ACVR1: variants seen among roughly 807,000 people sequenced by gnomAD.
ACVR1 encodes activin receptor type-1.
In ACVR1, 38 loss-of-function variants were observed where a neutral mutation model predicts 57.1. The ratio of observed to expected loss-of-function variants is 0.67; its 90% CI spans 0.51 to 0.87. The LOEUF is 0.87. Ranked by LOEUF, ACVR1 falls within the 40% of genes least tolerant of loss-of-function variation. ACVR1 has a pLI of 0.00. For synonymous variants in ACVR1, 212 were observed against 228.1 expected (o/e 0.93, Z 0.63); for missense variants, 463 against 638.2 (o/e 0.73, Z 2.96).
At chr2:157,782,965 A>G (rs193023406) in intron 3 of ACVR1, among the ~76,000 whole-genome samples, 1 of 152,270 alleles carries the variant, frequency 6.6e-6, no homozygotes, top group East Asian at 1.9e-4. Flanking sequence ...ATAAAAATAA[A>G]GTAGGAGAGA....
intron 1 of ACVR1, among the ~76,000 whole-genome samples, chr2:157,849,582 G>A (rs757100533): frequency 1.3e-5 from 2 of 152,154 alleles, no homozygotes; most frequent in African/African-American, 2.4e-5. Flanking sequence ...ATCACGCATC[G>A]AAACTGTCAA....
chr2:157,860,340 A>G (rs1463979878), intron 1 of ACVR1, among the ~76,000 whole-genome samples: 2 of 152,212 alleles, frequency 1.3e-5, no homozygotes, highest in African/African-American at 4.8e-5. Context: ...TACTCAGGTA[A>G]GGCAAAGTGT....
chr2:157,818,816 C>T (rs1012246568), intron 1 of ACVR1, among the ~76,000 whole-genome samples: 3 of 152,056 alleles, frequency 2.0e-5, no homozygotes, highest in African/African-American at 7.2e-5. Flanking sequence ...CGGTGGCTCA[C>T]GCCTGTAATC....
intron 8 of ACVR1, among the ~76,000 whole-genome samples, chr2:157,765,658 A>G (rs1393011357): frequency 1.3e-5 from 2 of 152,236 alleles, no homozygotes; most frequent in South Asian, 2.1e-4. Context: ...TTTGTCTGCA[A>G]TTTACTTTCA....
chr2:157,783,121 G>A (rs1411817022), intron 3 of ACVR1, among the ~76,000 whole-genome samples: 2 of 152,212 alleles, frequency 1.3e-5, no homozygotes, highest in Non-Finnish European at 2.9e-5. Context: ...TAAACGGACA[G>A]TCCAGGGAAC....
intron 1 of ACVR1, among the ~76,000 whole-genome samples, chr2:157,834,061 A>G (rs1162473274): frequency 6.6e-6 from 1 of 152,224 alleles, no homozygotes; most frequent in Non-Finnish European, 1.5e-5. Context: ...TACAAAGGGC[A>G]GGTCACATAC....
chr2:157,813,122 A>AAC (rs1206038571), intron 2 of ACVR1, among the ~76,000 whole-genome samples: 1 of 152,006 alleles, frequency 6.6e-6, no homozygotes. Flanking sequence ...TTAAAACACA[A>AAC]ACACACACAC....
intron 1 of ACVR1, among the ~76,000 whole-genome samples, chr2:157,866,342 CA>C (rs1238604321): frequency 6.6e-6 from 1 of 151,704 alleles, no homozygotes; most frequent in African/African-American, 2.4e-5. Context: ...TTTTAGGGAT[CA>C]AAAGGGAACC....
chr2:157,781,399 T>C (rs1168012631), intron 3 of ACVR1, among the ~76,000 whole-genome samples: 3 of 152,224 alleles, frequency 2.0e-5, no homozygotes, highest in Non-Finnish European at 4.4e-5. Flanking sequence ...GTACAATCTA[T>C]AATTACAATC....
rs1277715491 is a variant in ACVR1, at chr2:157,778,295, T to C, written c.379A>G (p.Ile127Val). 6.2e-7 allele frequency: 1 copy of C among 1,613,994 alleles called. No individual in the cohort carries two copies. The highest frequency in any genetic ancestry group is 1.7e-5 in the Admixed American group (1 of 60,018). Residue 127 changes from isoleucine (I) to valine (V), a missense_variant, in exon 5 of 11, where the codon ATT (isoleucine) becomes GTT (valine). Ile to Val is a conservative substitution (Grantham distance 29). Around this residue, in one of 3 missense-constraint regions of ACVR1, gnomAD observed 203 missense variants for 235.5 expected, o/e 0.86. Coordinates refer to ENST00000434821, the MANE Select transcript of ACVR1 (RefSeq NM_001111067.4). Reference protein sequence around the residue: ...TQNFHLEVGLIILSVVFAVCL... With the variant: ...TQNFHLEVGLVILSVVFAVCL... ...ACTGCGAACACTACAGAGAGAATAA[T>C]GAGGCCAACCTCCAAGTGGAAATTC...
intron 1 of ACVR1, among the ~76,000 whole-genome samples, chr2:157,822,669 A>G (rs1382995854): frequency 6.6e-6 from 1 of 152,252 alleles, no homozygotes; most frequent in Non-Finnish European, 1.5e-5. Context: ...TTATGCCAGT[A>G]GCGGGCAAAA....
At chr2:157,809,677 T>C (rs188551738) in intron 2 of ACVR1, among the ~76,000 whole-genome samples, 6 of 152,168 alleles carry the variant, frequency 3.9e-5, no homozygotes, top group Non-Finnish European at 8.8e-5. Flanking sequence ...ATGCACTCTA[T>C]GAAGTAGGGA....
intron 1 of ACVR1, among the ~76,000 whole-genome samples, chr2:157,867,365 G>A (rs767464144): frequency 6.6e-5 from 10 of 152,150 alleles, no homozygotes; most frequent in Admixed American, 2.0e-4. Flanking sequence ...ATGTGCCAAG[G>A]CCTCAAACTC....
chr2:157,782,502 A>G (rs1335803694), intron 3 of ACVR1, among the ~76,000 whole-genome samples: 1 of 152,238 alleles, frequency 6.6e-6, no homozygotes, highest in Non-Finnish European at 1.5e-5. Context: ...TTCCAGCACC[A>G]ATCTATTTCT....
At chr2:157,846,373 C>T (rs893413662) in intron 1 of ACVR1, among the ~76,000 whole-genome samples, 1 of 152,162 alleles carries the variant, frequency 6.6e-6, no homozygotes, top group African/African-American at 2.4e-5. Context: ...TTAATGTTTT[C>T]CCTTCTGAAA....
At chr2:157,824,917 C>T (rs747672956) in intron 1 of ACVR1, among the ~76,000 whole-genome samples, 1 of 152,140 alleles carries the variant, frequency 6.6e-6, no homozygotes, top group Non-Finnish European at 1.5e-5. Flanking sequence ...CCACGCCTGG[C>T]TAATTTTTGG....
chr2:157,827,286 A>C (rs1280014298), intron 1 of ACVR1, among the ~76,000 whole-genome samples: 1 of 152,220 alleles, frequency 6.6e-6, no homozygotes, highest in Non-Finnish European at 1.5e-5. Context: ...TTCTAAAGCT[A>C]GTCTAGAAAC....
intron 1 of ACVR1, chr2:157,875,098 G>GCCCA (rs373857617): frequency 5.9e-5 from 9 of 152,210 alleles, no homozygotes; most frequent in African/African-American, 2.2e-4. Context: ...GGCCCCAGAG[G>GCCCA]CCCACATCTC....
chr2:157,828,625 A>C (rs1012772434), intron 1 of ACVR1, among the ~76,000 whole-genome samples: 1 of 152,158 alleles, frequency 6.6e-6, no homozygotes, highest in African/African-American at 2.4e-5. Context: ...GTTTCCAAAA[A>C]AAGATAGCTT....
Sources: gnomAD v4.1 joint callset for allele counts (sites outside exome capture counted in the v4.1 genomes callset) on GRCh38, gnomAD v4.1.1 for gene constraint, gnomAD v4.1.1 regional missense constraint, MANE v1.5 for transcripts, NCBI Gene and HGNC (gene_info 2026-07-23, HGNC 2026-07-21) for gene names.